SNTG1: variants seen among roughly 807,000 people sequenced by gnomAD.
The protein encoded by SNTG1 is gamma-1-syntrophin.
Under a neutral mutation model 74.7 loss-of-function variants are expected in SNTG1, and 39 were observed. The observed-to-expected ratio is 0.52, with a 90% confidence interval of 0.40 to 0.68. SNTG1 has a LOEUF of 0.68. Among genes scored for constraint, SNTG1 ranks in the 30% least tolerant of loss-of-function variants. The pLI is 0.00. For synonymous variants in SNTG1, 254 were observed against 217.1 expected, an observed-to-expected ratio of 1.17 and a Z score of -1.49; for missense variants, 685 against 609.5, an observed-to-expected ratio of 1.12 and a Z score of -1.30.
chr8:50,388,725 G>T (rs1037664473), intron 2 of SNTG1, among the ~76,000 whole-genome samples: 1 of 152,170 alleles, frequency 6.6e-6, no homozygotes, highest in African/African-American at 2.4e-5. Context: ...TGCTTCTGAG[G>T]CTGTTCAACT....
chr8:49,951,494 G>T (rs961560050), intron 1 of SNTG1, among the ~76,000 whole-genome samples: 4 of 151,752 alleles, frequency 2.6e-5, no homozygotes, highest in Admixed American at 6.6e-5. Context: ...TGATTCCTTA[G>T]AAGTATCGCA....
At chr8:50,068,351 T>G (rs547313903) in intron 1 of SNTG1, among the ~76,000 whole-genome samples, 2 of 152,172 alleles carry the variant, frequency 1.3e-5, no homozygotes, top group Non-Finnish European at 2.9e-5. Context: ...GACTTGTACT[T>G]TCTTCTCTTC....
At chr8:50,272,902 A>C (rs1403392031) in intron 2 of SNTG1, among the ~76,000 whole-genome samples, 1 of 95,158 alleles carries the variant, frequency 1.1e-5, no homozygotes, top group African/African-American at 3.4e-5. Flanking sequence ...ATGCCTGGAT[A>C]CTTAAAAAAA....
intron 15 of SNTG1, among the ~76,000 whole-genome samples, chr8:50,683,917 T>G (rs73676394): frequency 0.022 from 3,293 of 152,312 alleles, 98 homozygotes; most frequent in African/African-American, 0.071. Flanking sequence ...TGACCACCTG[T>G]TTTTAATCAC....
intron 12 of SNTG1, among the ~76,000 whole-genome samples, chr8:50,564,743 T>C (rs1373213357): frequency 1.3e-5 from 2 of 152,122 alleles, no homozygotes. Context: ...CATTAAACAC[T>C]AACAGAAGGC....
chr8:50,795,421 CTA>C lies in SNTG1; in HGVS notation c.*2594_*2595del. The C allele has an allele frequency of 6.6e-6, 1 of 152,190 alleles. No homozygotes were observed. Among genetic ancestry groups the C allele is most frequent in the Middle Eastern group, 3.4e-3 (1 of 294 alleles). 9.4% of individuals were successfully genotyped at this position (152,190 alleles called of 1,614,324 possible). On this transcript the variant is annotated 3_prime_UTR_variant, in exon 19 of 19. Transcript: ENST00000642720. ...AATGAACAAAAACACTTAAAAATTT[CTA>C]TCTCTCATATAATTTAGGTTTACAT...
At chr8:50,241,058 C>G (rs926435946) in intron 2 of SNTG1, among the ~76,000 whole-genome samples, 2 of 152,160 alleles carry the variant, frequency 1.3e-5, no homozygotes, top group African/African-American at 2.4e-5. Flanking sequence ...ATAGTCTTCT[C>G]TTTCCTTAGG....
chr8:50,774,747 A>T (rs557656875), intron 18 of SNTG1, among the ~76,000 whole-genome samples: 4 of 151,864 alleles, frequency 2.6e-5, no homozygotes, highest in African/African-American at 7.2e-5. Flanking sequence ...AATGATAATT[A>T]TATCACTGTG....
intron 15 of SNTG1, 123 bp downstream of exon 15, chr8:50,658,786 A>G: frequency 1.6e-6 from 1 of 635,930 alleles, no homozygotes; most frequent in South Asian, 2.1e-5. Context: ...GATAAAGACA[A>G]ATGAAAGAGA....
At chr8:50,408,555 G>C (rs914897934) in intron 4 of SNTG1, among the ~76,000 whole-genome samples, 2 of 152,172 alleles carry the variant, frequency 1.3e-5, no homozygotes, top group Non-Finnish European at 2.9e-5. Flanking sequence ...AGGCAGGAGA[G>C]GGTGCCATCA....
At chr8:50,250,206 T>C (rs2086586287) in intron 2 of SNTG1, among the ~76,000 whole-genome samples, 2 of 150,780 alleles carry the variant, frequency 1.3e-5, no homozygotes, top group African/African-American at 2.4e-5. Context: ...CAACACTAGA[T>C]CAAGCAGAAG....
At chr8:50,740,375 A>T (rs920734923) in intron 17 of SNTG1, among the ~76,000 whole-genome samples, 1 of 142,034 alleles carries the variant, frequency 7.0e-6, no homozygotes, top group African/African-American at 2.8e-5. Context: ...AAAAAAAAAA[A>T]ACCTCAACAT....
intron 2 of SNTG1, among the ~76,000 whole-genome samples, chr8:50,231,861 A>G (rs1221793218): frequency 6.6e-6 from 1 of 151,294 alleles, no homozygotes; most frequent in Non-Finnish European, 1.5e-5. Context: ...CTGAGAGTAA[A>G]TTTCTCATGG....
At chr8:50,652,027 G>A (rs1458224547) in intron 13 of SNTG1, among the ~76,000 whole-genome samples, 1 of 152,164 alleles carries the variant, frequency 6.6e-6, no homozygotes, top group African/African-American at 2.4e-5. Context: ...TGGGATTACA[G>A]GCGTGAGCCA....
Position 50,190,624 on chromosome 8 carries a change from ACT to A in SNTG1, c.-28+17994_-28+17995del, listed in dbSNP as rs577757615. On this transcript the variant is annotated intron_variant, in intron 2 of 18. Transcript: ENST00000642720. ...TGAGAAAGGTATACTAACAGAAAAT[ACT>A]CTCTTTCTCTTTTTTTAAGTGTTTG... 1.8e-3 allele frequency among the ~76,000 whole-genome samples: 269 copies of A among 152,230 alleles called. 2 individuals carry two copies. The highest frequency in any genetic ancestry group is 6.2e-3 in the African/African-American group (259 of 41,538).
At chr8:50,350,939 C>G (rs566552189) in intron 2 of SNTG1, among the ~76,000 whole-genome samples, 1 of 152,206 alleles carries the variant, frequency 6.6e-6, no homozygotes, top group South Asian at 2.1e-4. Flanking sequence ...CGTAGGTCCC[C>G]TTGGAGGCTG....
At chr8:50,755,363 C>G (rs1243758942) in intron 18 of SNTG1, among the ~76,000 whole-genome samples, 1 of 151,658 alleles carries the variant, frequency 6.6e-6, no homozygotes, top group East Asian at 2.0e-4. Context: ...CAATAGTTAC[C>G]CTTTTCATAT....
At chr8:50,421,976 G>A (rs762812451) in intron 4 of SNTG1, among the ~76,000 whole-genome samples, 1 of 152,138 alleles carries the variant, frequency 6.6e-6, no homozygotes, top group Non-Finnish European at 1.5e-5. Flanking sequence ...TCTCAAAGTG[G>A]CCTTGTTGTG....
At chr8:50,784,964 A>G (rs1214387099) in intron 18 of SNTG1, among the ~76,000 whole-genome samples, 1 of 152,084 alleles carries the variant, frequency 6.6e-6, no homozygotes, top group Non-Finnish European at 1.5e-5. Context: ...CAATGGGTCA[A>G]AAAAAATCAC....
Sources: gnomAD v4.1 joint callset for allele counts (sites outside exome capture counted in the v4.1 genomes callset) on GRCh38, gnomAD v4.1.1 for gene constraint, MANE v1.5 for transcripts, NCBI Gene and HGNC (gene_info 2026-07-23, HGNC 2026-07-21) for gene names.